HS6ST2: variants seen among roughly 807,000 people sequenced by gnomAD.
HS6ST2 encodes the protein heparan sulfate 6-O-sulfotransferase 2, also known as heparan-sulfate 6-O-sulfotransferase 2.
A neutral mutation model predicts 33.0 loss-of-function variants in HS6ST2; 17 were observed. The observed-to-expected ratio is 0.52, with a 90% CI of 0.35 to 0.77. The LOEUF (loss-of-function observed/expected upper bound fraction) is 0.77. Among genes scored for constraint, HS6ST2 ranks in the 30% least tolerant of loss-of-function variants. HS6ST2 has a pLI of 0.01. For synonymous variants in HS6ST2, 248 were observed against 237.1 expected (o/e 1.05, Z -0.42); for missense variants, 519 against 551.7 (o/e 0.94, Z 0.59).
Position 132,957,303 on chromosome X carries a change from G to T in HS6ST2, c.452C>A (p.Ser151Tyr), listed in dbSNP as rs1428054654. 2.6e-6 allele frequency: 3 copies of T among 1,164,822 alleles called. No homozygotes were observed. The highest frequency in any genetic ancestry group is 3.0e-5 in the East Asian group (1 of 33,304). Residue 151 changes from serine to tyrosine, a missense_variant, in exon 2 of 5, where the codon TCC becomes TAC. Ser to Tyr is a moderately radical substitution (Grantham distance 144). Coordinates refer to ENST00000370833, the MANE Select transcript of HS6ST2 (RefSeq NM_001394073.1). ...MASVGNMDEKSNKLLLALVML... is the reference protein window; with the variant it reads ...MASVGNMDEKYNKLLLALVML... ...CACCAAAGCTAGCAGCAGCTTGTTG[G>T]ATTTCTCATCCATGTTCCCGACGCT...
chrX:132,695,852 A>G (rs1454027989), intron 3 of HS6ST2, among the ~76,000 whole-genome samples: 1 of 112,198 alleles, frequency 8.9e-6, no homozygotes. Context: ...TCCATAGAAC[A>G]TTACAACCAG....
At chrX:132,842,188 T>A (rs758462595) in intron 2 of HS6ST2, among the ~76,000 whole-genome samples, 3 of 111,489 alleles carry the variant, frequency 2.7e-5, no homozygotes. Flanking sequence ...TTTGAGTCCA[T>A]TCCACACACA....
At chrX:132,901,347 T>C (rs1043597622) in intron 2 of HS6ST2, among the ~76,000 whole-genome samples, 2 of 111,950 alleles carry the variant, frequency 1.8e-5, no homozygotes, top group Admixed American at 1.9e-4. Flanking sequence ...GTTATATATG[T>C]GTACTAATAC....
At chrX:132,689,989 T>C (rs933758475) in intron 3 of HS6ST2, among the ~76,000 whole-genome samples, 5 of 111,726 alleles carry the variant, frequency 4.5e-5, no homozygotes, top group Non-Finnish European at 9.4e-5. Flanking sequence ...AACCAAAAGA[T>C]TGGCTTAAAG....
intron 2 of HS6ST2, among the ~76,000 whole-genome samples, chrX:132,919,441 T>C (rs1414876613): frequency 8.9e-6 from 1 of 111,939 alleles, no homozygotes; most frequent in Non-Finnish European, 1.9e-5. Context: ...AGAAAGACTC[T>C]CTGGAGTTTT....
At chrX:132,798,233 C>T (rs1284110154) in intron 2 of HS6ST2, among the ~76,000 whole-genome samples, 2 of 110,242 alleles carry the variant, frequency 1.8e-5, no homozygotes, top group East Asian at 2.9e-4. Context: ...GCAGCATTAT[C>T]GTAGAAGTCC....
chrX:132,759,854 G>C (rs902444513), intron 2 of HS6ST2, among the ~76,000 whole-genome samples: 2 of 111,657 alleles, frequency 1.8e-5, no homozygotes, highest in Non-Finnish European at 3.8e-5. Flanking sequence ...CATGGGCCAG[G>C]CACTGTACTA....
intron 2 of HS6ST2, among the ~76,000 whole-genome samples, chrX:132,729,282 T>C (rs149325950): frequency 0.01 from 1,164 of 112,213 alleles, 12 homozygotes; most frequent in African/African-American, 0.034. Flanking sequence ...TTCCAGGATC[T>C]CCATTATATA....
intron 2 of HS6ST2, among the ~76,000 whole-genome samples, chrX:132,722,722 T>C (rs2064345418): frequency 9.0e-6 from 1 of 110,555 alleles, no homozygotes; most frequent in South Asian, 3.8e-4. Context: ...TAGGTTTAGG[T>C]CCCAATTATG....
In HS6ST2 at chrX:132,883,150, G is replaced by A. The variant is rs188211140; in HGVS notation, c.947+73658C>T. Among the ~76,000 whole-genome samples, 14 of 111,505 alleles carry A rather than the reference G, an allele frequency of 1.3e-4. 1 individual carries two copies. The highest frequency in any genetic ancestry group is 4.6e-4 in the African/African-American group (14 of 30,653). ...GGATGATGTTGGCCTCATAAAATGAGTTAGGGAGGATTCCCTCTTTTTCTA... is the reference window on the plus strand; with the variant it reads ...GGATGATGTTGGCCTCATAAAATGAATTAGGGAGGATTCCCTCTTTTTCTA... On this transcript the variant is annotated intron_variant, in intron 2 of 4. Coordinates refer to ENST00000370833, the MANE Select transcript of HS6ST2 (RefSeq NM_001394073.1).
At chrX:132,689,364 AT>A (rs2064043153) in intron 3 of HS6ST2, among the ~76,000 whole-genome samples, 1 of 111,794 alleles carries the variant, frequency 8.9e-6, no homozygotes, top group South Asian at 3.8e-4. Flanking sequence ...AATCTACAGC[AT>A]TTTTTTAAGT....
At chrX:132,957,941 G>A (rs940584886) in intron 1 of HS6ST2, among the ~76,000 whole-genome samples, 10 of 112,104 alleles carry the variant, frequency 8.9e-5, no homozygotes, top group Non-Finnish European at 1.7e-4. Flanking sequence ...TGAGCCGGCC[G>A]GCAGCCCGAC....
chrX:132,841,917 C>G (rs1052598691), intron 2 of HS6ST2, among the ~76,000 whole-genome samples: 1 of 111,349 alleles, frequency 9.0e-6, no homozygotes, highest in African/African-American at 3.3e-5. Context: ...AGGTGAAGAT[C>G]AAAGGAAAGA....
intron 2 of HS6ST2, among the ~76,000 whole-genome samples, chrX:132,787,176 T>TATATAA (rs2065071724): frequency 1.2e-5 from 1 of 83,385 alleles, no homozygotes; most frequent in African/African-American, 5.1e-5. Context: ...TGTATATATA[T>TATATAA]ATATATATAT....
At position 132,958,267 on chromosome X, in the gene HS6ST2, C is replaced by G; in HGVS notation, c.336G>C (p.Arg112=). ...RRRWDLGSLC[R]ALLTRGLAAL... ...CGGCCAGGCCCCGAGTGAGCAGGGC[C>G]CGGCAGAGGGAGCCCAGGTCCCAGC... Residue 112 remains arginine (R), a synonymous_variant, in exon 1 of 5, where the codon CGG becomes CGC. Coordinates refer to ENST00000370833, the MANE Select transcript of HS6ST2 (RefSeq NM_001394073.1). 3 of 1,190,061 alleles carry G rather than the reference C, an allele frequency of 2.5e-6. No individual in the cohort carries two copies. The highest frequency in any genetic ancestry group is 3.4e-6 in the Non-Finnish European group (3 of 890,010).
At chrX:132,810,709 G>T (rs1469320287) in intron 2 of HS6ST2, among the ~76,000 whole-genome samples, 1 of 111,691 alleles carries the variant, frequency 9.0e-6, no homozygotes, top group Non-Finnish European at 1.9e-5. Context: ...ATTTCTTCTT[G>T]TTCCCTCATA....
In HS6ST2 at chrX:132,811,685, AATATATATATATATATATATATAT is replaced by A. The variant is rs56390608; in HGVS notation, c.948-103215_948-103192del. Among the ~76,000 whole-genome samples the A allele has an allele frequency of 9.7e-4, 29 of 29,808 alleles. No individual in the cohort carries two copies. The South Asian group carries it at 0.012, about 12-fold the overall frequency. The allele number at this position is 29,808 out of a possible 115,157, so 25.9% of individuals were successfully genotyped here. On this transcript the variant is annotated intron_variant, in intron 2 of 4. Coordinates refer to ENST00000370833, the MANE Select transcript of HS6ST2 (RefSeq NM_001394073.1). Reference sequence around the variant, plus strand: ...CAGAACTTTGTTTTAAAGGCTGAATAATATATATATATATATATATATATATATATATATATATATCACATTTTG... The same window carrying A: ...CAGAACTTTGTTTTAAAGGCTGAATAATATATATATATATATCACATTTTG...
intron 2 of HS6ST2, among the ~76,000 whole-genome samples, chrX:132,740,906 T>C (rs1157815891): frequency 8.9e-6 from 1 of 112,026 alleles, no homozygotes; most frequent in Admixed American, 9.4e-5. Flanking sequence ...GTATATATTA[T>C]AGACAGTGAC....
intron 2 of HS6ST2, among the ~76,000 whole-genome samples, chrX:132,788,393 T>C (rs1569491083): frequency 9.0e-6 from 1 of 111,724 alleles, no homozygotes; most frequent in Non-Finnish European, 1.9e-5. Context: ...GTGAACTTAA[T>C]TGGTAGAAGT....
Sources: allele counts gnomAD v4.1 joint callset (sites outside exome capture counted in the v4.1 genomes callset), GRCh38; gene constraint gnomAD v4.1.1; transcripts MANE v1.5; gene names NCBI Gene and HGNC (gene_info 2026-07-23, HGNC 2026-07-21).